HMGCLL1: variants seen among roughly 807,000 people sequenced by gnomAD.
HMGCLL1 encodes 3-hydroxy-3-methylglutaryl-CoA lyase like 1.
HMGCLL1 carries 36 observed loss-of-function variants against 39.1 expected under a neutral mutation model. The ratio of observed to expected loss-of-function variants is 0.92; its 90% CI spans 0.71 to 1.22. The LOEUF (loss-of-function observed/expected upper bound fraction) is 1.22. Ranked by LOEUF, HMGCLL1 falls within the 50% of genes most tolerant of loss-of-function variation. The pLI is 0.00. For missense variants in HMGCLL1, 451 were observed against 416.5 expected, an observed-to-expected ratio of 1.08 and a Z score of -0.72; for synonymous variants, 149 against 144.0, an observed-to-expected ratio of 1.03 and a Z score of -0.25.
chr6:55,603,791 A>G, the HMGCLL1 span, among the ~76,000 whole-genome samples: 3 of 152,192 alleles, frequency 2.0e-5, no homozygotes, highest in African/African-American at 4.8e-5. Flanking sequence ...TATAAAATGT[A>G]TGTATGAAAA....
At chr6:55,450,257 CA>C (rs1314263631) in intron 7 of HMGCLL1, among the ~76,000 whole-genome samples, 1 of 152,146 alleles carries the variant, frequency 6.6e-6, no homozygotes, top group Non-Finnish European at 1.5e-5. Flanking sequence ...ATGCCATTGA[CA>C]AATTTTGAAG....
chr6:55,604,024 G>A, the HMGCLL1 span, among the ~76,000 whole-genome samples: 12 of 152,272 alleles, frequency 7.9e-5, no homozygotes, highest in South Asian at 2.1e-4. Context: ...TTTGTTGGGT[G>A]TCTGGAGAGT....
chr6:55,472,355 C>T (rs1219100439), intron 7 of HMGCLL1, among the ~76,000 whole-genome samples: 1 of 151,570 alleles, frequency 6.6e-6, no homozygotes, highest in Non-Finnish European at 1.5e-5. Flanking sequence ...TTTTAATTTA[C>T]ATTTCTCTGA....
At chr6:55,483,591 G>A (rs1005849070) in intron 7 of HMGCLL1, among the ~76,000 whole-genome samples, 4 of 152,126 alleles carry the variant, frequency 2.6e-5, no homozygotes, top group East Asian at 1.9e-4. Context: ...GGACTAAGGC[G>A]TGGTGTTATG....
At position 55,478,830 on chromosome 6, in the gene HMGCLL1, T is replaced by C. The variant is rs9464251; in HGVS notation, c.795+16589A>G. On this transcript the variant is annotated intron_variant, in intron 7 of 8. Coordinates refer to ENST00000274901, the MANE Select transcript of HMGCLL1 (RefSeq NM_001042406.2). ...AGGCTGTTCTCACATAGTATTGTAC[T>C]GATTGGATGAGAATTTCACATCATT... 7.1e-4 allele frequency among the ~76,000 whole-genome samples: 107 copies of C among 150,674 alleles called. 6 individuals carry two copies. Among genetic ancestry groups the C allele is most frequent in the African/African-American group, 2.5e-3 (101 of 40,692 alleles).
chr6:55,474,778 TC>T (rs2127406085), intron 7 of HMGCLL1, among the ~76,000 whole-genome samples: 1 of 151,786 alleles, frequency 6.6e-6, no homozygotes, highest in African/African-American at 2.4e-5. Context: ...TATATGTTTA[TC>T]TGGCTAGGAG....
the HMGCLL1 span, among the ~76,000 whole-genome samples, chr6:55,665,898 G>A: frequency 1.5e-4 from 22 of 151,658 alleles, no homozygotes; most frequent in Admixed American, 5.3e-4. Context: ...AAGATAAAAT[G>A]ATATACCTAC....
the HMGCLL1 span, among the ~76,000 whole-genome samples, chr6:55,587,642 C>T: frequency 1.3e-5 from 2 of 152,046 alleles, no homozygotes; most frequent in Admixed American, 1.3e-4. Flanking sequence ...CATCAGTGTG[C>T]TGTATTCAGG....
intron 7 of HMGCLL1, among the ~76,000 whole-genome samples, chr6:55,480,389 C>A (rs1255236929): frequency 6.6e-6 from 1 of 151,582 alleles, no homozygotes; most frequent in Non-Finnish European, 1.5e-5. Context: ...CATAACTGAT[C>A]ATCAGACAAA....
chr6:55,494,695 C>A (rs1046639966), intron 7 of HMGCLL1, among the ~76,000 whole-genome samples: 1 of 152,130 alleles, frequency 6.6e-6, no homozygotes, highest in African/African-American at 2.4e-5. Flanking sequence ...ATAGTCTTAT[C>A]TCTGATTGTC....
the HMGCLL1 span, among the ~76,000 whole-genome samples, chr6:55,614,887 C>T: frequency 6.6e-6 from 1 of 151,908 alleles, no homozygotes; most frequent in Admixed American, 6.6e-5. Context: ...GGGTGCAGAG[C>T]CTCATAGCAC....
At chr6:55,598,670 T>C in the HMGCLL1 span, among the ~76,000 whole-genome samples, 1 of 152,170 alleles carries the variant, frequency 6.6e-6, no homozygotes, top group Non-Finnish European at 1.5e-5. Flanking sequence ...TAATTATTTT[T>C]TGCATGAGAT....
chr6:55,674,674 T>A, the HMGCLL1 span, among the ~76,000 whole-genome samples: 1 of 147,952 alleles, frequency 6.8e-6, no homozygotes, highest in Admixed American at 6.6e-5. Context: ...GGGACAATGA[T>A]AATGTTACTA....
chr6:55,647,223 G>T, the HMGCLL1 span, among the ~76,000 whole-genome samples: 1 of 151,464 alleles, frequency 6.6e-6, no homozygotes, highest in Non-Finnish European at 1.5e-5. Context: ...ACTTAATCCT[G>T]CCCTTTTTGG....
At chr6:55,575,104 C>A (rs6902706) in intron 1 of HMGCLL1, among the ~76,000 whole-genome samples, 1 of 151,952 alleles carries the variant, frequency 6.6e-6, no homozygotes, top group African/African-American at 2.4e-5. Context: ...TAAATTTAAT[C>A]AAAACTTTAA....
intron 7 of HMGCLL1, among the ~76,000 whole-genome samples, chr6:55,458,733 A>G (rs1764433471): frequency 6.6e-6 from 1 of 152,196 alleles, no homozygotes; most frequent in African/African-American, 2.4e-5. Context: ...TCACATTGCA[A>G]TCCCCACTAG....
chr6:55,535,353 TCAC>T (rs1313494631), intron 3 of HMGCLL1, among the ~76,000 whole-genome samples: 1 of 152,194 alleles, frequency 6.6e-6, no homozygotes, highest in African/African-American at 2.4e-5. Context: ...TATGAAGACT[TCAC>T]CAATAAATAT....
chr6:55,600,830 A>C, the HMGCLL1 span, among the ~76,000 whole-genome samples: 1 of 152,152 alleles, frequency 6.6e-6, no homozygotes, highest in East Asian at 1.9e-4. Context: ...ATAACAAAAT[A>C]AGTTAGATTT....
At chr6:55,438,626 G>A (rs1490322837) in intron 8 of HMGCLL1, among the ~76,000 whole-genome samples, 2 of 151,934 alleles carry the variant, frequency 1.3e-5, no homozygotes, top group Non-Finnish European at 2.9e-5. Context: ...GTAGAAGTGA[G>A]GAATAAAATG....
Sources: allele counts gnomAD v4.1 joint callset (sites outside exome capture counted in the v4.1 genomes callset), GRCh38; gene constraint gnomAD v4.1.1; transcripts MANE v1.5; gene names NCBI Gene and HGNC (gene_info 2026-07-23, HGNC 2026-07-21).